The following ARPIN variants were observed in gnomAD, a reference collection of about 807,000 sequenced individuals.
ARPIN encodes UPF0552 protein C15orf38.
ARPIN carries 23 observed loss-of-function variants against 25.9 expected under a neutral mutation model. The ratio of observed to expected loss-of-function variants is 0.89; its 90% CI spans 0.64 to 1.26. The LOEUF is 1.26. Ranked by LOEUF, ARPIN falls within the 50% of genes most tolerant of loss-of-function variation. The pLI is 0.00. For synonymous variants in ARPIN, 126 were observed against 131.4 expected (o/e 0.96, Z 0.28); for missense variants, 333 against 312.2 (o/e 1.07, Z -0.50).
chr15:89,910,357 G>A (rs1223431691), intron 2 of ARPIN, among the ~76,000 whole-genome samples: 2 of 152,126 alleles, frequency 1.3e-5, no homozygotes, highest in Non-Finnish European at 2.9e-5. Context: ...AGATGGGGTG[G>A]TGATACAGGA....
intron 3 of ARPIN, among the ~76,000 whole-genome samples, chr15:89,907,168 A>G (rs1426322703): frequency 6.6e-6 from 1 of 151,508 alleles, no homozygotes; most frequent in Non-Finnish European, 1.5e-5. Context: ...CCTGGGTTCA[A>G]GTGATTCTCC....
intron 4 of ARPIN, 92 bp downstream of exon 4, chr15:89,903,685 C>A (rs897703768): frequency 7.1e-6 from 11 of 1,557,590 alleles, no homozygotes; most frequent in Middle Eastern, 3.5e-4. Context: ...CCAGCCCTTG[C>A]CTGCTCCCAT....
In ARPIN at chr15:89,895,357, A is replaced by T. The variant is rs1340361003; in HGVS notation, c.*6438T>A. The T allele has an allele frequency of 6.6e-6, 1 of 152,226 alleles. No homozygotes were observed. The highest frequency in any genetic ancestry group is 1.5e-5 in the Non-Finnish European group (1 of 68,042). 9.4% of individuals were successfully genotyped at this position (152,226 alleles called of 1,614,324 possible). On this transcript the variant is annotated 3_prime_UTR_variant, in exon 6 of 6. Transcript: ENST00000357484. The stretch of plus-strand genomic sequence containing the variant: ...GCTCAAGATTGGAGGCAAATACACC[A>T]AAATATGAATCATGTATCTGATGGA...
At chr15:89,912,663 T>TGGGGGGGGGCCCC in intron 1 of ARPIN, 81 bp downstream of exon 1, 1 of 871,112 alleles carries the variant, frequency 1.1e-6, no homozygotes. Flanking sequence ...CCCACCCGCA[T>TGGGGGGGGGCCCC]CCCACCCCCC....
rs993305035 is a variant in ARPIN, at chr15:89,897,792, A to T, written c.*4003T>A. On this transcript the variant is annotated 3_prime_UTR_variant, in exon 6 of 6. Coordinates refer to ENST00000357484, the MANE Select transcript of ARPIN (RefSeq NM_182616.4). Reference sequence around the variant, plus strand: ...CATTGCTATTTGTGGAGATTAGTTTAGTCCCTCAAAAAATTTTCCCATAAT... The same window carrying T: ...CATTGCTATTTGTGGAGATTAGTTTTGTCCCTCAAAAAATTTTCCCATAAT... 5 of 152,122 alleles carry T rather than the reference A, an allele frequency of 3.3e-5. No individual in the cohort carries two copies. Among genetic ancestry groups the T allele is most frequent in the Non-Finnish European group, 7.4e-5 (5 of 68,002 alleles). 9.4% of individuals were successfully genotyped at this position (152,122 alleles called of 1,614,324 possible).
In ARPIN at chr15:89,912,917, G is replaced by T. The variant is rs1416646497; in HGVS notation, c.-82C>A. Reference sequence around the variant, plus strand: ...GCGCGGGAAGTGCTGCAGGACGCGCGGGGACCCGCGATTCCCAGCCGGCGG... The same window carrying T: ...GCGCGGGAAGTGCTGCAGGACGCGCTGGGACCCGCGATTCCCAGCCGGCGG... On this transcript the variant is annotated 5_prime_UTR_variant, in exon 1 of 6. Coordinates refer to ENST00000357484, the MANE Select transcript of ARPIN (RefSeq NM_182616.4). The T allele has an allele frequency of 4.3e-6, 6 of 1,404,990 alleles. No individual in the cohort carries two copies. The highest frequency in any genetic ancestry group is 3.0e-5 in the South Asian group (2 of 67,070). The allele number at this position is 1,404,990 out of a possible 1,614,324, so 87.0% of individuals were successfully genotyped here.
rs747133389 is a variant in ARPIN, at chr15:89,908,395, C to T, written c.186G>A (p.Leu62=). ...GATGGATGTGACTGGGCCGGATATA[C>T]AGCACGTAGTAGCGCTCCTGGGGCC... ...THGRKERYYV[L]YIRPSHIHRR... Residue 62 remains leucine, a synonymous_variant, in exon 3 of 6, where the codon CTG becomes CTA. Coordinates refer to ENST00000357484, the MANE Select transcript of ARPIN (RefSeq NM_182616.4). 6.2e-7 allele frequency: 1 copy of T among 1,614,016 alleles called. No homozygotes were observed. The highest frequency in any genetic ancestry group is 1.1e-5 in the South Asian group (1 of 91,084).
At position 89,896,447 on chromosome 15, in the gene ARPIN, AT is replaced by A. The variant is rs1474312002; in HGVS notation, c.*5347del. The A allele has an allele frequency of 6.6e-6, 1 of 152,254 alleles. No homozygotes were observed. The highest frequency in any genetic ancestry group is 1.9e-4 in the East Asian group (1 of 5,204). The allele number at this position is 152,254 out of a possible 1,614,324, so 9.4% of individuals were successfully genotyped here. A position where few individuals can be genotyped will look rare whatever the true frequency, so the allele number is the denominator to read the frequency against. On this transcript the variant is annotated 3_prime_UTR_variant, in exon 6 of 6. Transcript: ENST00000357484. ...AGTGGGAAGGAATTCAGTAAATACT[AT>A]TAGGATAACTGGTTAGCAATTTGAA...
At chr15:89,901,924 T>A in intron 5 of ARPIN, 121 bp from the exon 6 acceptor site, 1 of 1,184,632 alleles carries the variant, frequency 8.4e-7, no homozygotes, top group Non-Finnish European at 1.2e-6. Flanking sequence ...AGTGCTTGCC[T>A]GGGCGCCTCA....
At chr15:89,910,523 A>G (rs546624574) in intron 2 of ARPIN, among the ~76,000 whole-genome samples, 1 of 152,266 alleles carries the variant, frequency 6.6e-6, no homozygotes, top group East Asian at 1.9e-4. Flanking sequence ...GCAAGAACAC[A>G]GGCCCTCCCA....
chr15:89,909,697 G>C (rs1897189586), intron 2 of ARPIN, among the ~76,000 whole-genome samples: 1 of 152,218 alleles, frequency 6.6e-6, no homozygotes, highest in African/African-American at 2.4e-5. Flanking sequence ...AGAAGGCAGG[G>C]GGACAGGTGC....
chr15:89,901,699 C>T lies in ARPIN; in HGVS notation c.*96G>A. 2 of 1,463,932 alleles carry T rather than the reference C, an allele frequency of 1.4e-6. No individual in the cohort carries two copies. The highest frequency in any genetic ancestry group is 1.9e-6 in the Non-Finnish European group (2 of 1,050,074). 90.7% of individuals were successfully genotyped at this position (1,463,932 alleles called of 1,614,324 possible). A position where few individuals can be genotyped will look rare whatever the true frequency, so the allele number is the denominator to read the frequency against. On this transcript the variant is annotated 3_prime_UTR_variant, in exon 6 of 6. Coordinates refer to ENST00000357484, the MANE Select transcript of ARPIN (RefSeq NM_182616.4). ...TGGGGAAGAACCAGGTAAGACTTGG[C>T]AGACTGTTCTCTCCAGCTCCAGAGT...
At chr15:89,905,302 G>C (rs982038626) in intron 3 of ARPIN, among the ~76,000 whole-genome samples, 4 of 152,086 alleles carry the variant, frequency 2.6e-5, no homozygotes, top group African/African-American at 9.7e-5. Context: ...GATTACAGGC[G>C]TGAGCCACCA....
rs1473470322 is a variant in ARPIN at position 89,900,275 on chromosome 15, T to C, written c.*1520A>G. 6.6e-6 allele frequency: 1 copy of C among 152,208 alleles called. No homozygotes were observed. Among genetic ancestry groups the C allele is most frequent in the East Asian group, 1.9e-4 (1 of 5,202 alleles). 9.4% of individuals were successfully genotyped at this position (152,208 alleles called of 1,614,324 possible). A position where few individuals can be genotyped will look rare whatever the true frequency, so the allele number is the denominator to read the frequency against. On this transcript the variant is annotated 3_prime_UTR_variant, in exon 6 of 6. Transcript: ENST00000357484. ...TGAAGGGCAAGGAAGCAGGGGACAG[T>C]GGAAGGAACATAAGGTTTGCTTTTG...
At chr15:89,907,452 G>A (rs1057381833) in intron 3 of ARPIN, among the ~76,000 whole-genome samples, 1 of 152,196 alleles carries the variant, frequency 6.6e-6, no homozygotes, top group Non-Finnish European at 1.5e-5. Context: ...ACCTTTAGGA[G>A]GTGAGTCATG....
At chr15:89,901,848 C>G in intron 5 of ARPIN, 45 bp from the exon 6 acceptor site, 1 of 1,608,724 alleles carries the variant, frequency 6.2e-7, no homozygotes, top group Non-Finnish European at 8.5e-7. Context: ...CAGCACATGT[C>G]ATAAACGTCA....
intron 4 of ARPIN, 91 bp from the exon 5 acceptor site, chr15:89,903,470 G>A (rs1897061107): frequency 6.4e-7 from 1 of 1,566,888 alleles, no homozygotes; most frequent in Admixed American, 1.8e-5. Context: ...CCCTAGGCCT[G>A]GGTTAAACCA....
chr15:89,912,663 T>TTGGGCCCCCC, intron 1 of ARPIN, 81 bp downstream of exon 1: 2 of 871,082 alleles, frequency 2.3e-6, no homozygotes, highest in Non-Finnish European at 2.8e-6. Flanking sequence ...CCCACCCGCA[T>TTGGGCCCCCC]CCCACCCCCC....
Position 89,903,875 on chromosome 15 carries a change from G to C in ARPIN, c.410C>G (p.Thr137Arg), listed in dbSNP as rs750331413. ...ALTESLTPDH[T>R]VAFWMPESEM... ...TGACTCGGGCATCCAGAACGCCACT[G>C]TGTGGTCGGGGGTGAGGCTCTCTGT... The change falls in exon 4 of 6, where the codon ACA (threonine) becomes AGA (arginine). Residue 137 changes from threonine (T) to arginine (R), a missense_variant. Transcript: ENST00000357484. The C allele has an allele frequency of 1.9e-6, 3 of 1,613,992 alleles. No individual in the cohort carries two copies. Among genetic ancestry groups the C allele is most frequent in the Non-Finnish European group, 2.5e-6 (3 of 1,180,042 alleles).
Sources: allele counts gnomAD v4.1 joint callset (sites outside exome capture counted in the v4.1 genomes callset), GRCh38; gene constraint gnomAD v4.1.1; transcripts MANE v1.5; gene names NCBI Gene and HGNC (gene_info 2026-07-23, HGNC 2026-07-21).